CCDC7: variants seen among roughly 807,000 people sequenced by gnomAD.
The protein encoded by CCDC7 is coiled-coil domain-containing protein 7.
In CCDC7, 183 loss-of-function variants were observed where a neutral mutation model predicts 196.9. The observed-to-expected ratio is 0.93, with a 90% confidence interval of 0.82 to 1.05. CCDC7 has a LOEUF of 1.05. CCDC7 is among the 50% of genes least tolerant of loss of function. The probability of loss-of-function intolerance (pLI) is 0.00; values close to 1 mark genes in which losing one functional copy is unlikely to be tolerated. For missense variants in CCDC7, 1,540 were observed against 1,482.2 expected (o/e 1.04, Z -0.64); for synonymous variants, 525 against 484.6 (o/e 1.08, Z -1.10).
chr10:32,876,278 C>T, intron 41 of CCDC7, 69 bp from the exon 43 acceptor site: 1 of 1,154,176 alleles, frequency 8.7e-7, no homozygotes, highest in Non-Finnish European at 1.3e-6. Flanking sequence ...ATATCATATA[C>T]AATAAAAATT....
intron 11 of CCDC7, among the ~76,000 whole-genome samples, chr10:32,524,743 G>A (rs1213236179): frequency 6.6e-6 from 1 of 152,170 alleles, no homozygotes; most frequent in Non-Finnish European, 1.5e-5. Flanking sequence ...AAAGTCTGCT[G>A]CCAGACATAT....
chr10:32,565,751 CTATATTCATTTT>C (rs2056681919), intron 14 of CCDC7, 131 bp downstream of exon 15: 1 of 904,470 alleles, frequency 1.1e-6, no homozygotes, highest in Non-Finnish European at 1.6e-6. Flanking sequence ...TAGGTTTAAA[CTATATTCATTTT>C]ATGCATTAGG....
chr10:32,596,016 T>G (rs755632890), intron 18 of CCDC7, among the ~76,000 whole-genome samples: 34 of 152,222 alleles, frequency 2.2e-4, no homozygotes, highest in Non-Finnish European at 4.9e-4. Context: ...GAATGTATAT[T>G]CTGTTGATTT....
chr10:32,872,520 A>G (rs1355791693), intron 41 of CCDC7, among the ~76,000 whole-genome samples: 1 of 151,934 alleles, frequency 6.6e-6, no homozygotes, highest in Non-Finnish European at 1.5e-5. Context: ...TTTTAATTGG[A>G]GCATTTTGCC....
chr10:32,670,376 ACTTT>A (rs1292304104), intron 21 of CCDC7, among the ~76,000 whole-genome samples: 3 of 147,954 alleles, frequency 2.0e-5, no homozygotes, highest in Non-Finnish European at 4.5e-5. Flanking sequence ...ACTTTTATTT[ACTTT>A]CTTTTTTTTT....
At chr10:32,708,876 C>G (rs2080291840) in intron 24 of CCDC7, among the ~76,000 whole-genome samples, 1 of 152,192 alleles carries the variant, frequency 6.6e-6, no homozygotes, top group Non-Finnish European at 1.5e-5. Context: ...GCTGATGGGA[C>G]TGTAAACTAG....
intron 16 of CCDC7, among the ~76,000 whole-genome samples, chr10:32,575,445 A>G (rs2058084103): frequency 6.6e-6 from 1 of 152,188 alleles, no homozygotes; most frequent in African/African-American, 2.4e-5. Flanking sequence ...CTGAGCTGTC[A>G]TTATTCCGTA....
exon 20 of CCDC7, chr10:32,635,057 A>G: frequency 2.5e-6 from 1 of 398,772 alleles, no homozygotes; most frequent in Non-Finnish European, 4.4e-6. Context: ...TTCTGTTCAG[A>G]GACTCTTACA....
chr10:32,541,995 T>C (rs373911407), intron 11 of CCDC7, among the ~76,000 whole-genome samples: 2 of 152,208 alleles, frequency 1.3e-5, no homozygotes, highest in East Asian at 3.9e-4. Context: ...CCCTGCTGCC[T>C]TGATGGATAG....
At chr10:32,837,968 T>C in intron 33 of CCDC7, among the ~76,000 whole-genome samples, 1 of 151,704 alleles carries the variant, frequency 6.6e-6, no homozygotes, top group Non-Finnish European at 1.5e-5. Context: ...GACATATACC[T>C]AATGTAAATG....
intron 29 of CCDC7, among the ~76,000 whole-genome samples, chr10:32,785,181 T>C (rs577068774): frequency 6.6e-6 from 1 of 152,200 alleles, no homozygotes; most frequent in Non-Finnish European, 1.5e-5. Flanking sequence ...AAACAGATAC[T>C]TATAGAACAC....
chr10:32,538,181 A>C (rs112408713), intron 11 of CCDC7, among the ~76,000 whole-genome samples: 24 of 152,102 alleles, frequency 1.6e-4, no homozygotes, highest in African/African-American at 5.8e-4. Flanking sequence ...AGTGTTTTAA[A>C]GTTCTCATTG....
intron 13 of CCDC7, among the ~76,000 whole-genome samples, chr10:32,548,276 T>C (rs549855238): frequency 1.3e-5 from 2 of 152,152 alleles, no homozygotes; most frequent in East Asian, 3.9e-4. Flanking sequence ...TTGGCTATTT[T>C]AAAGAGAGCA....
intron 29 of CCDC7, among the ~76,000 whole-genome samples, chr10:32,786,464 A>G (rs895348275): frequency 1.3e-5 from 2 of 152,254 alleles, no homozygotes; most frequent in South Asian, 4.1e-4. Context: ...AGAGACTTTA[A>G]AACCACTATA....
intron 23 of CCDC7, among the ~76,000 whole-genome samples, chr10:32,693,898 A>G (rs1458183721): frequency 1.3e-5 from 2 of 152,194 alleles, no homozygotes; most frequent in African/African-American, 2.4e-5. Context: ...CTGAGCTGCT[A>G]GGATATGTTC....
At chr10:32,473,397 G>T (rs531559331) in intron 7 of CCDC7, among the ~76,000 whole-genome samples, 2 of 152,336 alleles carry the variant, frequency 1.3e-5, no homozygotes, top group Admixed American at 1.3e-4. Flanking sequence ...ATATAGGGAT[G>T]AAGTAACAGA....
intron 26 of CCDC7, among the ~76,000 whole-genome samples, chr10:32,727,136 G>C (rs557651628): frequency 6.6e-6 from 1 of 152,140 alleles, no homozygotes; most frequent in Non-Finnish European, 1.5e-5. Context: ...TAGTTTCCTG[G>C]AGATCATACC....
chr10:32,845,993 G>A (rs763891525), intron 36 of CCDC7, 34 bp downstream of exon 37: 2 of 1,472,314 alleles, frequency 1.4e-6, no homozygotes, highest in Middle Eastern at 1.8e-4. Flanking sequence ...CTAATATTTA[G>A]GCTTATTTAT....
intron 20 of CCDC7, among the ~76,000 whole-genome samples, chr10:32,636,069 C>T (rs1356634588): frequency 6.6e-6 from 1 of 152,114 alleles, no homozygotes; most frequent in Admixed American, 6.5e-5. Context: ...TAGCATAAAG[C>T]TTATACTTCA....
Sources: gnomAD v4.1 joint callset for allele counts (sites outside exome capture counted in the v4.1 genomes callset) on GRCh38, gnomAD v4.1.1 for gene constraint, MANE v1.5 for transcripts, NCBI Gene and HGNC (gene_info 2026-07-23, HGNC 2026-07-21) for gene names.